RXRA: variants seen among roughly 807,000 people sequenced by gnomAD.
The protein encoded by RXRA is retinoid X receptor alpha.
RXRA carries 5 observed loss-of-function variants against 44.5 expected under a neutral mutation model. The observed-to-expected ratio is 0.11, with a 90% confidence interval of 0.06 to 0.24. The LOEUF is 0.24. Among genes scored for constraint, RXRA ranks in the 10% least tolerant of loss-of-function variants. RXRA has a pLI of 1.00. For synonymous variants in RXRA, 291 were observed against 271.4 expected (o/e 1.07, Z -0.71); for missense variants, 412 against 646.5 (o/e 0.64, Z 3.93).
intron 1 of RXRA, among the ~76,000 whole-genome samples, chr9:134,344,132 G>A (rs912727837): frequency 5.9e-5 from 9 of 152,166 alleles, no homozygotes; most frequent in East Asian, 1.9e-4. Context: ...CGTTCCCTGC[G>A]CTTGAAGCTG....
intron 1 of RXRA, among the ~76,000 whole-genome samples, chr9:134,378,627 A>G (rs2119096584): frequency 6.6e-6 from 1 of 152,292 alleles, no homozygotes; most frequent in Middle Eastern, 3.4e-3. Context: ...TGCCCCTGCC[A>G]GCCTCAGGAC....
Position 134,367,179 on chromosome 9 carries a change from C to G in RXRA, c.29-34453C>G, listed in dbSNP as rs186784731. ...CAACCCCCCAAAAGAAGCCCCGTGCCCGCTGGAGCTGCTGCAGTGCCCCGC... is the reference window on the plus strand; with the variant it reads ...CAACCCCCCAAAAGAAGCCCCGTGCGCGCTGGAGCTGCTGCAGTGCCCCGC... On this transcript the variant is annotated intron_variant, in intron 1 of 9. Transcript: ENST00000481739. Among the ~76,000 whole-genome samples the G allele has an allele frequency of 5.5e-3, 836 of 152,328 alleles. 2 individuals carry two copies. Among genetic ancestry groups the G allele is most frequent in the Non-Finnish European group, 6.8e-3 (463 of 68,030 alleles).
chr9:134,360,577 C>T (rs945928760), intron 1 of RXRA, among the ~76,000 whole-genome samples: 36 of 152,252 alleles, frequency 2.4e-4, no homozygotes, highest in African/African-American at 1.2e-4. Flanking sequence ...GCAGGTCGCT[C>T]GCGGTTACCT....
intron 9 of RXRA, among the ~76,000 whole-genome samples, chr9:134,434,422 G>A (rs888441084): frequency 6.6e-6 from 1 of 152,144 alleles, no homozygotes; most frequent in Non-Finnish European, 1.5e-5. Flanking sequence ...CCACTGGAAG[G>A]ATTACCTTGC....
At chr9:134,350,945 C>G (rs1029277349) in intron 1 of RXRA, among the ~76,000 whole-genome samples, 21 of 152,234 alleles carry the variant, frequency 1.4e-4, no homozygotes, top group Admixed American at 1.4e-3. Flanking sequence ...GCCACCTGTC[C>G]AGCACCCACA....
chr9:134,341,699 G>T (rs1217888109), intron 1 of RXRA, among the ~76,000 whole-genome samples: 1 of 152,150 alleles, frequency 6.6e-6, no homozygotes, highest in Non-Finnish European at 1.5e-5. Context: ...GGAGCTCCAG[G>T]GCGGCTGGCC....
At chr9:134,411,714 C>T (rs1188450891) in intron 4 of RXRA, among the ~76,000 whole-genome samples, 4 of 152,246 alleles carry the variant, frequency 2.6e-5, no homozygotes, top group South Asian at 2.1e-4. Flanking sequence ...CGAGCGCTCT[C>T]GCCCCAAACA....
chr9:134,389,801 T>C (rs1251920568), intron 1 of RXRA, among the ~76,000 whole-genome samples: 1 of 152,114 alleles, frequency 6.6e-6, no homozygotes, highest in Non-Finnish European at 1.5e-5. Flanking sequence ...GCAGCTGGCC[T>C]CTCCATCCCT....
At chr9:134,369,706 G>A (rs2119078060) in intron 1 of RXRA, among the ~76,000 whole-genome samples, 1 of 152,148 alleles carries the variant, frequency 6.6e-6, no homozygotes, top group Non-Finnish European at 1.5e-5. Flanking sequence ...CTGCTCGGTG[G>A]CCTTGGCGTG....
At chr9:134,386,631 G>T (rs1039505891) in intron 1 of RXRA, among the ~76,000 whole-genome samples, 17 of 152,206 alleles carry the variant, frequency 1.1e-4, no homozygotes, top group African/African-American at 4.1e-4. Context: ...TCATGGGAGC[G>T]TTCTGATTCT....
At chr9:134,422,779 A>T in intron 6 of RXRA, 1 of 985,436 alleles carries the variant, frequency 1.0e-6, no homozygotes, top group Non-Finnish European at 1.2e-6. Flanking sequence ...GAGGTGTACC[A>T]TGCGGGGTCT....
intron 1 of RXRA, among the ~76,000 whole-genome samples, chr9:134,351,745 C>A (rs1554749487): frequency 6.6e-6 from 1 of 152,234 alleles, no homozygotes; most frequent in African/African-American, 2.4e-5. Context: ...AATAACCAAT[C>A]CGCTGCTGCG....
intron 1 of RXRA, among the ~76,000 whole-genome samples, chr9:134,329,353 C>T (rs565541049): frequency 5.7e-4 from 87 of 152,358 alleles, no homozygotes; most frequent in African/African-American, 1.8e-3. Context: ...CGTCTTTTAG[C>T]GCGGGCGCTG....
intron 4 of RXRA, among the ~76,000 whole-genome samples, chr9:134,414,723 T>C (rs1308704063): frequency 6.6e-6 from 1 of 152,208 alleles, no homozygotes; most frequent in Non-Finnish European, 1.5e-5. Context: ...TTTAGAATTC[T>C]GCCCTTGCTG....
intron 1 of RXRA, among the ~76,000 whole-genome samples, chr9:134,382,133 C>A (rs73554164): frequency 2.8e-5 from 4 of 142,982 alleles, no homozygotes; most frequent in African/African-American, 1.0e-4. Context: ...TGTGGGGGGG[C>A]GCAGGGCAGT....
chr9:134,422,073 C>G, intron 6 of RXRA: 1 of 1,377,186 alleles, frequency 7.3e-7, no homozygotes, highest in Non-Finnish European at 9.5e-7. Context: ...CCAGGACGCT[C>G]CCCTCTCCCA....
chr9:134,400,655 CT>C (rs1830944394), intron 1 of RXRA, among the ~76,000 whole-genome samples: 1 of 152,214 alleles, frequency 6.6e-6, no homozygotes, highest in Non-Finnish European at 1.5e-5. Flanking sequence ...GGGAGCCTCC[CT>C]TCTGCAGTGC....
chr9:134,428,974 T>G (rs1320615746), intron 6 of RXRA, 134 bp from the exon 7 acceptor site: 1 of 1,060,342 alleles, frequency 9.4e-7, no homozygotes, highest in Non-Finnish European at 1.4e-6. Flanking sequence ...GAACACTTCA[T>G]GGGATTGGGG....
intron 1 of RXRA, among the ~76,000 whole-genome samples, chr9:134,359,424 A>C (rs1830322561): frequency 6.6e-6 from 1 of 151,996 alleles, no homozygotes; most frequent in Non-Finnish European, 1.5e-5. Context: ...CCCAGGCTCC[A>C]TTCTGCCTCG....
Sources: allele counts gnomAD v4.1 joint callset (sites outside exome capture counted in the v4.1 genomes callset), GRCh38; gene constraint gnomAD v4.1.1; transcripts MANE v1.5; gene names NCBI Gene and HGNC (gene_info 2026-07-23, HGNC 2026-07-21).